The following CHD9 variants were observed in gnomAD, a reference collection of about 807,000 sequenced individuals.
The protein encoded by CHD9 is chromodomain helicase DNA binding protein 9.
Under a neutral mutation model 316.1 loss-of-function variants are expected in CHD9, and 77 were observed. That is an observed-to-expected ratio of 0.24 (90% CI 0.20 to 0.29). The LOEUF is 0.29. Ranked by LOEUF, CHD9 falls within the 10% of genes least tolerant of loss-of-function variation. The probability of loss-of-function intolerance (pLI) is 1.00; values close to 1 mark genes in which losing one functional copy is unlikely to be tolerated. For missense variants in CHD9, 2,763 were observed against 3,438.1 expected (o/e 0.80, Z 4.91); for synonymous variants, 1,129 against 1,158.3 (o/e 0.97, Z 0.51).
chr16:53,068,710 G>C (rs1320349802), intron 1 of CHD9, among the ~76,000 whole-genome samples: 1 of 152,112 alleles, frequency 6.6e-6, no homozygotes, highest in Non-Finnish European at 1.5e-5. Flanking sequence ...TCTCGTCTTT[G>C]TTCATCTTTC....
Position 53,323,595 on chromosome 16 carries a change from A to G in CHD9, c.7819-425A>G, listed in dbSNP as rs79834404. On this transcript the variant is annotated intron_variant, in intron 38 of 38. Coordinates refer to ENST00000447540, the MANE Select transcript of CHD9 (RefSeq NM_001308319.2). ...TAAAATAATTCATATGAAGCATCTT[A>G]CTATAACCTTAACCTTTAATATTCC... 4.1e-3 allele frequency among the ~76,000 whole-genome samples: 626 copies of G among 152,356 alleles called. 4 individuals carry two copies. The highest frequency in any genetic ancestry group is 0.014 in the African/African-American group (600 of 41,590).
At chr16:53,197,550 CTTGA>C (rs1335915751) in intron 2 of CHD9, among the ~76,000 whole-genome samples, 1 of 151,082 alleles carries the variant, frequency 6.6e-6, no homozygotes, top group Non-Finnish European at 1.5e-5. Context: ...ATTGCATGTT[CTTGA>C]TTATTTTAAA....
rs2041597006 is a variant in CHD9, at chr16:53,157,454, G to C, written c.1365G>C (p.Gln455His). The C allele has an allele frequency of 9.3e-6, 15 of 1,614,002 alleles. No homozygotes were observed. Among genetic ancestry groups the C allele is most frequent in the Non-Finnish European group, 1.3e-5 (15 of 1,179,886 alleles). Residue 455 changes from glutamine (Q) to histidine (H), a missense_variant, in exon 2 of 39, where the codon CAG (glutamine) becomes CAC (histidine). Transcript: ENST00000447540. ...VTRPSDMAQTQLQSQARSWHS... is the reference protein window; with the variant it reads ...VTRPSDMAQTHLQSQARSWHS... ...GGCCTTCTGATATGGCTCAGACTCA[G>C]TTGCAAAGTCAGGCTCGGAGTTGGC...
chr16:53,065,432 A>G (rs564709567), intron 1 of CHD9, among the ~76,000 whole-genome samples: 1 of 152,124 alleles, frequency 6.6e-6, no homozygotes, highest in Non-Finnish European at 1.5e-5. Flanking sequence ...CCAGGAGTTC[A>G]AAATCAGCCA....
chr16:53,129,337 A>C (rs2039109976), intron 1 of CHD9, among the ~76,000 whole-genome samples: 1 of 152,222 alleles, frequency 6.6e-6, no homozygotes, highest in South Asian at 2.1e-4. Context: ...TATCCAAATA[A>C]GTGGTGTGGG....
At chr16:53,098,917 A>G (rs2036603317) in intron 1 of CHD9, among the ~76,000 whole-genome samples, 1 of 152,188 alleles carries the variant, frequency 6.6e-6, no homozygotes, top group Non-Finnish European at 1.5e-5. Flanking sequence ...GCCAGGCCAA[A>G]GGAGTAATTA....
chr16:53,169,779 C>T (rs2042545061), intron 2 of CHD9, among the ~76,000 whole-genome samples: 1 of 152,076 alleles, frequency 6.6e-6, no homozygotes, highest in South Asian at 2.1e-4. Context: ...CATAAAATAA[C>T]ATTATATACT....
intron 2 of CHD9, among the ~76,000 whole-genome samples, chr16:53,164,930 T>C (rs59863399): frequency 0.31 from 47,237 of 151,978 alleles, 7,504 homozygotes; most frequent in Middle Eastern, 0.39. Context: ...GCTGGGATTA[T>C]AGGCATGAGC....
chr16:53,085,959 GAGA>G (rs1433705827), intron 1 of CHD9, among the ~76,000 whole-genome samples: 10 of 152,182 alleles, frequency 6.6e-5, no homozygotes, highest in Admixed American at 6.5e-4. Flanking sequence ...ACAGAGCTAA[GAGA>G]AGATTTTTCA....
At chr16:53,226,771 A>G (rs2047689340) in intron 5 of CHD9, among the ~76,000 whole-genome samples, 1 of 152,190 alleles carries the variant, frequency 6.6e-6, no homozygotes, top group African/African-American at 2.4e-5. Context: ...TCTTTTCTGC[A>G]GAATATTTCT....
At chr16:53,235,146 A>G in intron 10 of CHD9, 39 bp from the exon 11 acceptor site, 1 of 1,530,964 alleles carries the variant, frequency 6.5e-7, no homozygotes, top group Non-Finnish European at 8.8e-7. Flanking sequence ...TGATATATGG[A>G]AGATTTAAAC....
intron 2 of CHD9, among the ~76,000 whole-genome samples, chr16:53,160,113 T>C (rs967167127): frequency 1.3e-4 from 20 of 152,190 alleles, no homozygotes; most frequent in Non-Finnish European, 2.9e-4. Flanking sequence ...TCTCCACTGA[T>C]TGAACTTAGG....
chr16:53,191,024 G>C (rs762543910), intron 2 of CHD9, among the ~76,000 whole-genome samples: 2 of 151,852 alleles, frequency 1.3e-5, no homozygotes, highest in Non-Finnish European at 2.9e-5. Flanking sequence ...TATACAATTA[G>C]GTAATCATTA....
Position 53,125,422 on chromosome 16 carries a change from C to G in CHD9, c.-164-30504C>G, listed in dbSNP as rs558959577. On this transcript the variant is annotated intron_variant, in intron 1 of 38. Transcript: ENST00000447540. The stretch of plus-strand genomic sequence containing the variant: ...TATTTTTAGTAGCAATGGGGTTGGC[C>G]AAGCTGGTTAACCATGTTGGCCAGG... Among the ~76,000 whole-genome samples the G allele has an allele frequency of 8.6e-5, 13 of 151,848 alleles. No individual in the cohort carries two copies. The South Asian group carries it at 2.5e-3, about 29-fold the overall frequency.
chr16:53,148,149 A>G (rs973163184), intron 1 of CHD9, among the ~76,000 whole-genome samples: 2 of 152,292 alleles, frequency 1.3e-5, no homozygotes, highest in African/African-American at 4.8e-5. Context: ...AGAGGTTGCA[A>G]TGAGCCAAGA....
chr16:53,111,985 A>C (rs2037905769), intron 1 of CHD9, among the ~76,000 whole-genome samples: 2 of 152,216 alleles, frequency 1.3e-5, no homozygotes, highest in African/African-American at 4.8e-5. Flanking sequence ...ACTGATAAAT[A>C]AGGAAACTAA....
At chr16:53,072,565 G>A (rs2034182070) in intron 1 of CHD9, among the ~76,000 whole-genome samples, 1 of 151,324 alleles carries the variant, frequency 6.6e-6, no homozygotes, top group Admixed American at 6.6e-5. Context: ...ATTTTTTGTA[G>A]AGACAGGGTC....
chr16:53,188,191 A>T (rs2044187972), intron 2 of CHD9, among the ~76,000 whole-genome samples: 1 of 152,228 alleles, frequency 6.6e-6, no homozygotes, highest in African/African-American at 2.4e-5. Flanking sequence ...TTGCCAAATA[A>T]TATTCCATTG....
intron 36 of CHD9, among the ~76,000 whole-genome samples, chr16:53,316,380 G>A (rs898970504): frequency 6.6e-6 from 1 of 152,078 alleles, no homozygotes; most frequent in Admixed American, 6.6e-5. Flanking sequence ...ACAATATAAA[G>A]TTTTTGCCCT....
Sources: gnomAD v4.1 joint callset for allele counts (sites outside exome capture counted in the v4.1 genomes callset) on GRCh38, gnomAD v4.1.1 for gene constraint, MANE v1.5 for transcripts, NCBI Gene and HGNC (gene_info 2026-07-23, HGNC 2026-07-21) for gene names.